Variants in IFT172 observed in about 807,000 individuals in gnomAD.
The protein encoded by IFT172 is intraflagellar transport protein 172 homolog.
A neutral mutation model predicts 248.9 loss-of-function variants in IFT172; 164 were observed. The ratio of observed to expected loss-of-function variants is 0.66; its 90% CI spans 0.58 to 0.75. The LOEUF (loss-of-function observed/expected upper bound fraction) is 0.75, where lower values mean the gene tolerates loss of function less well. IFT172 is among the 30% of genes least tolerant of loss of function. The pLI is 0.00. For synonymous variants in IFT172, 729 were observed against 791.6 expected (o/e 0.92, Z 1.33); for missense variants, 1,950 against 2,192.4 (o/e 0.89, Z 2.21).
At position 27,445,285 on chromosome 2, in the gene IFT172, G is replaced by GA. The variant is rs1664957106; in HGVS notation, c.5068+10_5068+11insT. 6.2e-7 allele frequency: 1 copy of GA among 1,605,514 alleles called. No homozygotes were observed. The highest frequency in any genetic ancestry group is 1.7e-4 in the Middle Eastern group (1 of 5,754). ...CCACCACAGGATCTGGGGTGCTGTA[G>GA]GCTTCTATACCTGTAATAAGGCAGG... On this transcript the variant is annotated intron_variant, in intron 46 of 47. Coordinates refer to ENST00000260570, the MANE Select transcript of IFT172 (RefSeq NM_015662.3). This position sits in a 1 kb window ranked among gnomAD's most constrained non-coding sequence, Gnocchi z 4.4.
At chr2:27,485,584 G>GTA (rs1414042842) in intron 1 of IFT172, 81 bp from the exon 2 acceptor site, 2 of 1,490,038 alleles carry the variant, frequency 1.3e-6, no homozygotes, top group East Asian at 4.5e-5. Flanking sequence ...TAATTCTAGT[G>GTA]TAATACTGGT....
At chr2:27,467,272 T>G (rs914995326) in intron 16 of IFT172, among the ~76,000 whole-genome samples, 2 of 150,654 alleles carry the variant, frequency 1.3e-5, no homozygotes, top group African/African-American at 4.9e-5. Flanking sequence ...TCGAAACAGA[T>G]CTACAGAAAT....
chr2:27,485,968 A>G (rs1042841326), intron 1 of IFT172, among the ~76,000 whole-genome samples: 3 of 152,326 alleles, frequency 2.0e-5, no homozygotes, highest in Middle Eastern at 3.4e-3. Flanking sequence ...GAAAAGTCCT[A>G]TTAAAGTATG....
chr2:27,485,629 CAAAG>C, intron 1 of IFT172, 126 bp from the exon 2 acceptor site: 1 of 1,100,434 alleles, frequency 9.1e-7, no homozygotes, highest in South Asian at 1.6e-5. Flanking sequence ...ATCCTCAAAA[CAAAG>C]AGATGCCTGT....
chr2:27,485,084 T>C lies in IFT172; in HGVS notation c.230A>G (p.Asp77Gly), dbSNP rs767606993. 1 of 1,609,746 alleles carries C rather than the reference T, an allele frequency of 6.2e-7. No homozygotes were observed. Among genetic ancestry groups the C allele is most frequent in the Non-Finnish European group, 8.5e-7 (1 of 1,177,682 alleles). ...YMVKGMAFSP[D>G]STKIAIGQTD... ...CTGTCCTATGGCAATTTTAGTGGAATCAGGAGAAAAAGCCATGCCCTTCAC... is the reference window on the plus strand; with the variant it reads ...CTGTCCTATGGCAATTTTAGTGGAACCAGGAGAAAAAGCCATGCCCTTCAC... The change falls in exon 3 of 48, where the codon GAT becomes GGT. Residue 77 changes from aspartate (D) to glycine (G), a missense_variant. Around this residue, in one of 3 missense-constraint regions of IFT172, gnomAD observed 1,166 missense variants for 1,254.1 expected, o/e 0.93. Coordinates refer to ENST00000260570, the MANE Select transcript of IFT172 (RefSeq NM_015662.3).
In IFT172 at chr2:27,487,224, C is replaced by T. The variant is rs190294482; in HGVS notation, c.40-1721G>A. Among the ~76,000 whole-genome samples, 630 of 152,284 alleles carry T rather than the reference C, an allele frequency of 4.1e-3. 5 individuals carry two copies. The highest frequency in any genetic ancestry group is 0.014 in the African/African-American group (597 of 41,552). On this transcript the variant is annotated intron_variant, in intron 1 of 47. Transcript: ENST00000260570. ...CCTCCTGAAGTGCTGGGATTACAGG[C>T]GTGAGCCACCACGCCCGGCCTGTGT...
intron 35 of IFT172, 23 bp downstream of exon 35, chr2:27,453,361 C>A (rs748540216): frequency 6.2e-7 from 1 of 1,614,124 alleles, no homozygotes; most frequent in East Asian, 2.2e-5. Context: ...GAAGGAGGGC[C>A]AGAAAGGGCC....
rs559668627 is a variant in IFT172, at chr2:27,454,579, G to A, written c.3453C>T (p.Phe1151=). 4.3e-6 allele frequency: 7 copies of A among 1,614,058 alleles called. No homozygotes were observed. The highest frequency in any genetic ancestry group is 2.2e-5 in the East Asian group (1 of 44,864). Residue 1151 remains phenylalanine, a synonymous_variant, in exon 31 of 48, where the codon TTC becomes TTT. Coordinates refer to ENST00000260570, the MANE Select transcript of IFT172 (RefSeq NM_015662.3). The surrounding 1 kb of genome is among the most constrained non-coding windows in gnomAD (Gnocchi z 4.2). ...ATCACACCCATACCTCATCCTCCAGGAACATAGCATATTTGAGATGAACCT... is the reference window on the plus strand; with the variant it reads ...ATCACACCCATACCTCATCCTCCAGAAACATAGCATATTTGAGATGAACCT... The part of the protein sequence containing the change: ...TPEVHLKYAM[F]LEDEGKFEEA...
At chr2:27,461,700 G>T in intron 21 of IFT172, 59 bp downstream of exon 21, 1 of 1,606,744 alleles carries the variant, frequency 6.2e-7, no homozygotes, top group South Asian at 1.1e-5. Flanking sequence ...GACAAAAGGA[G>T]GTTTTTGAAA....
intron 9 of IFT172, 62 bp downstream of exon 9, chr2:27,479,964 G>T: frequency 6.3e-7 from 1 of 1,574,834 alleles, no homozygotes; most frequent in Non-Finnish European, 8.6e-7. Flanking sequence ...TTAGGATAAG[G>T]CAGGATTTTT....
chr2:27,459,948 G>A (rs966473685), intron 23 of IFT172, 119 bp from the exon 24 acceptor site: 14 of 1,351,284 alleles, frequency 1.0e-5, no homozygotes, highest in Non-Finnish European at 1.3e-5. Context: ...GAGGACTGGA[G>A]CCAGGCATCC....
chr2:27,448,880 T>C (rs745968039), intron 40 of IFT172, 35 bp downstream of exon 40: 1 of 990,040 alleles, frequency 1.0e-6, no homozygotes, highest in South Asian at 1.3e-5. Context: ...AGAGCTTTCT[T>C]GTGGAAACAT....
At chr2:27,458,666 A>G (rs746060009) in intron 26 of IFT172, 113 bp downstream of exon 26, 47 of 1,224,330 alleles carry the variant, frequency 3.8e-5, no homozygotes, top group Non-Finnish European at 5.2e-5. Flanking sequence ...GTTTTTTGGT[A>G]CTCTTTGTCA....
In IFT172 at chr2:27,462,771, T is replaced by A. The variant is rs1022355035; in HGVS notation, c.2045A>T (p.Tyr682Phe). 11 of 1,614,158 alleles carry A rather than the reference T, an allele frequency of 6.8e-6. No homozygotes were observed. The highest frequency in any genetic ancestry group is 1.1e-5 in the South Asian group (1 of 91,084). ...REYGGEGTDF[Y>F]QVRARLAMLE... Reference sequence around the variant, plus strand: ...CATGGCTAGACGTGCTCGGACCTGATAAAAGTCTGTTCCTTCTCCGCCCTG... The same window carrying A: ...CATGGCTAGACGTGCTCGGACCTGAAAAAAGTCTGTTCCTTCTCCGCCCTG... The change falls in exon 20 of 48, where the codon TAT becomes TTT. Residue 682 changes from tyrosine (Y) to phenylalanine (F), a missense_variant. Tyr to Phe is a conservative substitution (Grantham distance 22). Around this residue, in one of 3 missense-constraint regions of IFT172, gnomAD observed 1,166 missense variants for 1,254.1 expected, o/e 0.93. Coordinates refer to ENST00000260570, the MANE Select transcript of IFT172 (RefSeq NM_015662.3).
chr2:27,447,687 C>T (rs762206183), intron 41 of IFT172, 53 bp from the exon 42 acceptor site: 1 of 1,613,090 alleles, frequency 6.2e-7, no homozygotes, highest in Non-Finnish European at 8.5e-7. Flanking sequence ...AGTGCCAGGG[C>T]CATAGAGTGG....
intron 40 of IFT172, among the ~76,000 whole-genome samples, chr2:27,448,485 G>A (rs1184997435): frequency 1.3e-5 from 2 of 152,232 alleles, no homozygotes; most frequent in Admixed American, 6.5e-5. Context: ...GAGAAAAGAG[G>A]AAGAAATAAC....
chr2:27,458,430 T>C (rs1666352844), intron 26 of IFT172, among the ~76,000 whole-genome samples: 1 of 152,210 alleles, frequency 6.6e-6, no homozygotes, highest in Non-Finnish European at 1.5e-5. Flanking sequence ...AGGTCTGCGA[T>C]GCCTTGGCTG....
intron 10 of IFT172, 144 bp from the exon 11 acceptor site, chr2:27,478,300 T>C (rs989267127): frequency 4.6e-6 from 4 of 865,878 alleles, no homozygotes; most frequent in African/African-American, 3.4e-5. Flanking sequence ...TTGATAGTAA[T>C]GATATCTTAT....
In IFT172 at chr2:27,454,153, A is replaced by T; in HGVS notation, c.3540T>A (p.His1180Gln). Residue 1180 changes from histidine (H) to glutamine (Q), a missense_variant, in exon 33 of 48, where the codon CAT becomes CAA. His to Gln is a conservative substitution (Grantham distance 24). Transcript: ENST00000260570. The surrounding 1 kb of genome is among the most constrained non-coding windows in gnomAD (Gnocchi z 4.2). ...GCTGAGCTGCCTCCCAATCCTGGTT[A>T]TGGACAAACCTGCCTCCAGGTGGGG... The part of the protein sequence containing the change: ...KPKEAVLMFV[H>Q]NQDWEAAQRV... The T allele has an allele frequency of 6.2e-7, 1 of 1,612,380 alleles. No individual in the cohort carries two copies. The highest frequency in any genetic ancestry group is 8.5e-7 in the Non-Finnish European group (1 of 1,179,090).
Sources: allele counts gnomAD v4.1 joint callset (sites outside exome capture counted in the v4.1 genomes callset), GRCh38; gene constraint gnomAD v4.1.1; regional missense constraint gnomAD v4.1.1; non-coding constraint Gnocchi (gnomAD v3.1); transcripts MANE v1.5; gene names NCBI Gene and HGNC (gene_info 2026-07-23, HGNC 2026-07-21).